Variants in ACO1 observed in about 807,000 individuals in gnomAD.
The protein encoded by ACO1 is cytoplasmic aconitate hydratase.
Under a neutral mutation model 105.1 loss-of-function variants are expected in ACO1, and 78 were observed. The observed-to-expected ratio is 0.74, with a 90% confidence interval of 0.62 to 0.90. ACO1 has a LOEUF of 0.90. ACO1 is among the 40% of genes least tolerant of loss of function. The pLI, the probability that ACO1 is intolerant of heterozygous loss-of-function variation, is 0.00. For synonymous variants in ACO1, 364 were observed against 397.4 expected, an observed-to-expected ratio of 0.92 and a Z score of 1.00; for missense variants, 965 against 1,111.1, an observed-to-expected ratio of 0.87 and a Z score of 1.87.
intron 14 of ACO1, 26 bp downstream of exon 14, chr9:32,430,600 AT>A (rs1444806207): frequency 5.7e-6 from 9 of 1,569,646 alleles, no homozygotes; most frequent in Admixed American, 3.9e-5. Flanking sequence ...TGCAGCCATA[AT>A]TTTTTTCCAG....
At chr9:32,401,356 A>G (rs745781547) in intron 1 of ACO1, among the ~76,000 whole-genome samples, 151 of 151,512 alleles carry the variant, frequency 1.0e-3, no homozygotes, top group Middle Eastern at 3.4e-3. Context: ...CCTGAGGGAA[A>G]TTTGCATTTC....
At chr9:32,394,440 C>T (rs140844564) in intron 1 of ACO1, among the ~76,000 whole-genome samples, 16 of 152,298 alleles carry the variant, frequency 1.1e-4, no homozygotes, top group Non-Finnish European at 2.4e-4. Context: ...CTGTAAATGT[C>T]GTGTGTATGA....
intron 19 of ACO1, 26 bp downstream of exon 19, chr9:32,440,613 A>G (rs750676188): frequency 2.5e-6 from 4 of 1,610,962 alleles, no homozygotes; most frequent in Non-Finnish European, 3.4e-6. Flanking sequence ...ACATCCTAGG[A>G]GGCAGCTCCC....
intron 10 of ACO1, 58 bp from the exon 11 acceptor site, chr9:32,425,780 T>C: frequency 1.6e-6 from 2 of 1,242,938 alleles, no homozygotes; most frequent in South Asian, 3.0e-5. Flanking sequence ...TCTAGCCAGA[T>C]ACATGTATAT....
rs561726182 is a variant in ACO1 at position 32,454,174 on chromosome 9, C to T, written c.*4063C>T. The T allele has an allele frequency of 2.0e-5, 3 of 152,286 alleles. No homozygotes were observed. The highest frequency in any genetic ancestry group is 7.2e-5 in the African/African-American group (3 of 41,550). The allele number at this position is 152,286 out of a possible 1,614,324, so 9.4% of individuals were successfully genotyped here. ...ATGGGTTTTATCACTGCAGAACAGA[C>T]ACAAGAACAATGTGTGCTGTAAATC... On this transcript the variant is annotated 3_prime_UTR_variant, in exon 21 of 21. Coordinates refer to ENST00000309951, the MANE Select transcript of ACO1 (RefSeq NM_002197.3).
chr9:32,407,646 C>T (rs1188050922), intron 3 of ACO1, among the ~76,000 whole-genome samples: 1 of 152,196 alleles, frequency 6.6e-6, no homozygotes, highest in Non-Finnish European at 1.5e-5. Flanking sequence ...CAAACTGAAA[C>T]ACGCCACTTT....
In ACO1 at chr9:32,426,054, C is replaced by T. The variant is rs1241672686; in HGVS notation, c.1348+57C>T. The T allele has an allele frequency of 1.1e-4, 171 of 1,567,228 alleles. 1 individual carries two copies. The East Asian group carries it at 3.6e-3, about 33-fold the overall frequency. ...TACATGTGTGTAGGTGGAAATAGCC[C>T]GAGACAGGGCCCAGGGCCTTGGCGG... On this transcript the variant is annotated intron_variant, in intron 11 of 20. Coordinates refer to ENST00000309951, the MANE Select transcript of ACO1 (RefSeq NM_002197.3).
At chr9:32,444,511 G>A (rs1013097559) in intron 19 of ACO1, among the ~76,000 whole-genome samples, 8 of 152,082 alleles carry the variant, frequency 5.3e-5, no homozygotes, top group East Asian at 1.9e-4. Flanking sequence ...TTTAATGATC[G>A]CCATTCTAAC....
intron 15 of ACO1, among the ~76,000 whole-genome samples, chr9:32,433,249 T>TC (rs1027148960): frequency 1.5e-4 from 23 of 152,200 alleles, no homozygotes; most frequent in African/African-American, 4.6e-4. Flanking sequence ...TGTTTGTTTT[T>TC]CAGAGACCAG....
intron 4 of ACO1, among the ~76,000 whole-genome samples, chr9:32,416,592 G>A (rs891314912): frequency 6.6e-5 from 10 of 152,146 alleles, no homozygotes; most frequent in African/African-American, 2.4e-5. Context: ...TCCCGTACCA[G>A]GCAGTGATGA....
chr9:32,394,954 A>G (rs923472177), intron 1 of ACO1, among the ~76,000 whole-genome samples: 1 of 144,108 alleles, frequency 6.9e-6, no homozygotes, highest in African/African-American at 2.5e-5. Context: ...GGCCCAGAAG[A>G]CCTCTGACAG....
intron 12 of ACO1, among the ~76,000 whole-genome samples, chr9:32,427,886 T>C (rs988570548): frequency 6.6e-6 from 1 of 152,244 alleles, no homozygotes; most frequent in Admixed American, 6.5e-5. Flanking sequence ...ACATATTGTA[T>C]AGCTGTTCCA....
intron 7 of ACO1, among the ~76,000 whole-genome samples, chr9:32,420,271 G>A (rs1275043975): frequency 1.5e-5 from 2 of 134,294 alleles, no homozygotes; most frequent in Non-Finnish European, 3.5e-5. Flanking sequence ...TGCTCATTAC[G>A]CCTTTGAAAA....
At position 32,422,811 on chromosome 9, in the gene ACO1, A is replaced by G. The variant is rs144791702; in HGVS notation, c.971-508A>G. Reference sequence around the variant, plus strand: ...ATAATAATTGTACTTGTATCTTAAGACTATGATAAAGGATTAGAGATTGAG... The same window carrying G: ...ATAATAATTGTACTTGTATCTTAAGGCTATGATAAAGGATTAGAGATTGAG... On this transcript the variant is annotated intron_variant, in intron 8 of 20. Transcript: ENST00000309951. Among the ~76,000 whole-genome samples, 805 of 152,334 alleles carry G rather than the reference A, an allele frequency of 5.3e-3. 3 individuals carry two copies. The highest frequency in any genetic ancestry group is 0.02 in the Middle Eastern group (6 of 294).
intron 9 of ACO1, 21 bp downstream of exon 9, chr9:32,423,440 G>A: frequency 6.8e-7 from 1 of 1,480,974 alleles, no homozygotes. Flanking sequence ...GCCTTCCACT[G>A]TGCATGTATT....
intron 4 of ACO1, 52 bp from the exon 5 acceptor site, chr9:32,418,076 C>A: frequency 6.5e-7 from 1 of 1,526,734 alleles, no homozygotes. Context: ...TAAATTTGAC[C>A]ACTAATATGT....
intron 1 of ACO1, among the ~76,000 whole-genome samples, chr9:32,401,294 A>G (rs1380739471): frequency 6.6e-6 from 1 of 152,052 alleles, no homozygotes; most frequent in Non-Finnish European, 1.5e-5. Flanking sequence ...ACACCTAGGT[A>G]GTACTTTTTT....
At chr9:32,395,655 G>A (rs1351015524) in intron 1 of ACO1, among the ~76,000 whole-genome samples, 4 of 152,170 alleles carry the variant, frequency 2.6e-5, no homozygotes, top group African/African-American at 4.8e-5. Context: ...GCTCAGGGCC[G>A]GGTCAGATGC....
chr9:32,446,492 AGATGGGTCTTCTGAATGCAGCACACT>A (rs1822612007), intron 19 of ACO1, among the ~76,000 whole-genome samples: 1 of 152,034 alleles, frequency 6.6e-6, no homozygotes, highest in Admixed American at 6.6e-5. Flanking sequence ...TTTGCACCTG[AGATGGGTCTTCTGAATGCAGCACACT>A]GATGGGTCTT....
Sources: allele counts gnomAD v4.1 joint callset (sites outside exome capture counted in the v4.1 genomes callset), GRCh38; gene constraint gnomAD v4.1.1; transcripts MANE v1.5; gene names NCBI Gene and HGNC (gene_info 2026-07-23, HGNC 2026-07-21).